UBE3C: variants seen among roughly 807,000 people sequenced by gnomAD.
UBE3C encodes the protein ubiquitin-protein ligase E3C.
In UBE3C, 42 loss-of-function variants were observed where a neutral mutation model predicts 129.4. The ratio of observed to expected loss-of-function variants is 0.32; its 90% confidence interval spans 0.25 to 0.42. The LOEUF (loss-of-function observed/expected upper bound fraction) is 0.42. Among genes scored for constraint, UBE3C ranks in the 10% least tolerant of loss-of-function variants. UBE3C has a pLI of 1.00. For synonymous variants in UBE3C, 510 were observed against 492.4 expected, an observed-to-expected ratio of 1.04 and a Z score of -0.47; for missense variants, 1,049 against 1,319.1, an observed-to-expected ratio of 0.80 and a Z score of 3.17.
intron 11 of UBE3C, 116 bp from the exon 12 acceptor site, chr7:157,207,282 C>G (rs1586688462): frequency 7.1e-7 from 1 of 1,400,998 alleles, no homozygotes; most frequent in East Asian, 2.3e-5. Flanking sequence ...AGTTTAATTC[C>G]TAATGCAAAT....
At chr7:157,184,093 T>G (rs1329723734) in intron 9 of UBE3C, 64 bp downstream of exon 9, 2 of 1,578,912 alleles carry the variant, frequency 1.3e-6, no homozygotes, top group African/African-American at 1.4e-5. Context: ...TCTTCTAGCT[T>G]TCTGTCCACC....
At chr7:157,200,985 A>G (rs1382235391) in intron 10 of UBE3C, among the ~76,000 whole-genome samples, 1 of 152,164 alleles carries the variant, frequency 6.6e-6, no homozygotes, top group Non-Finnish European at 1.5e-5. Context: ...TTGTATTTCA[A>G]GAAAAGTGAC....
intron 4 of UBE3C, among the ~76,000 whole-genome samples, chr7:157,172,941 A>G (rs1488435444): frequency 6.6e-6 from 1 of 152,208 alleles, no homozygotes; most frequent in Non-Finnish European, 1.5e-5. Context: ...CTTGCTTCAG[A>G]AGCCATCTGT....
chr7:157,184,028 C>G lies in UBE3C; in HGVS notation c.1142C>G (p.Pro381Arg), dbSNP rs775013451. The G allele has an allele frequency of 6.2e-7, 1 of 1,613,832 alleles. No homozygotes were observed. The highest frequency in any genetic ancestry group is 8.5e-7 in the Non-Finnish European group (1 of 1,179,918). Residue 381 changes from proline to arginine, a missense_variant and splice_region_variant, in exon 9 of 23, where the codon CCG (proline) becomes CGG (arginine). This residue lies in a region of UBE3C where 489 missense variants were observed against 513.8 expected (regional missense o/e 0.95). Coordinates refer to ENST00000348165, the MANE Select transcript of UBE3C (RefSeq NM_014671.3). ...GAAGAAGCCGACAAGCCCTCAAGCCCGGTAAGCCCCGTGCCCTGCATCTGG... is the reference window on the plus strand; with the variant it reads ...GAAGAAGCCGACAAGCCCTCAAGCCGGGTAAGCCCCGTGCCCTGCATCTGG... Reference protein sequence around the residue: ...ESEEADKPSSPEDGRLSVSYI... With the variant: ...ESEEADKPSSREDGRLSVSYI...
At chr7:157,226,581 G>C (rs1412170122) in intron 17 of UBE3C, among the ~76,000 whole-genome samples, 1 of 152,134 alleles carries the variant, frequency 6.6e-6, no homozygotes, top group Non-Finnish European at 1.5e-5. Context: ...TCCTCTAGGG[G>C]AGCAACTTAA....
intron 18 of UBE3C, among the ~76,000 whole-genome samples, chr7:157,237,603 T>C (rs1348572913): frequency 6.6e-6 from 1 of 152,206 alleles, no homozygotes; most frequent in African/African-American, 2.4e-5. Context: ...ATGAGAAGAA[T>C]GGATCAGTAT....
intron 19 of UBE3C, among the ~76,000 whole-genome samples, chr7:157,252,584 AC>A (rs1316299909): frequency 6.6e-6 from 1 of 152,226 alleles, no homozygotes; most frequent in East Asian, 1.9e-4. Context: ...TAAAATGAGA[AC>A]CAGCAAACGA....
intron 1 of UBE3C, among the ~76,000 whole-genome samples, chr7:157,157,078 C>T (rs1197502336): frequency 2.0e-5 from 3 of 152,158 alleles, no homozygotes; most frequent in African/African-American, 4.8e-5. Flanking sequence ...GATCCTAATT[C>T]ACAATTATGA....
chr7:157,200,797 A>G (rs1010250367), intron 10 of UBE3C, among the ~76,000 whole-genome samples: 6 of 151,958 alleles, frequency 3.9e-5, no homozygotes, highest in African/African-American at 1.2e-4. Context: ...CCAACTTTTC[A>G]TAGAGATGAG....
intron 10 of UBE3C, among the ~76,000 whole-genome samples, chr7:157,191,613 AAC>A (rs1172740869): frequency 1.4e-4 from 21 of 152,182 alleles, no homozygotes; most frequent in African/African-American, 2.4e-5. Flanking sequence ...TGTGTTTTCT[AAC>A]CATTTCTTTG....
At chr7:157,237,381 C>T (rs916147903) in intron 18 of UBE3C, among the ~76,000 whole-genome samples, 4 of 152,096 alleles carry the variant, frequency 2.6e-5, no homozygotes, top group African/African-American at 9.7e-5. Flanking sequence ...GCGGAGCTTG[C>T]AGTGAGCCGA....
chr7:157,139,625 C>A (rs1371797943), intron 1 of UBE3C, among the ~76,000 whole-genome samples: 1 of 152,242 alleles, frequency 6.6e-6, no homozygotes, highest in Non-Finnish European at 1.5e-5. Flanking sequence ...CCGTGGGGGC[C>A]TTGCCTGTCC....
At chr7:157,185,378 TTTTTTAATACA>T (rs1381290043) in intron 9 of UBE3C, among the ~76,000 whole-genome samples, 9 of 152,276 alleles carry the variant, frequency 5.9e-5, no homozygotes, top group Non-Finnish European at 1.2e-4. Context: ...CTCTATATTC[TTTTTTAATACA>T]TAAGGGTTTC....
At chr7:157,145,783 C>G (rs1338015765) in intron 1 of UBE3C, among the ~76,000 whole-genome samples, 1 of 151,310 alleles carries the variant, frequency 6.6e-6, no homozygotes, top group African/African-American at 2.4e-5. Flanking sequence ...GAGTGGTTTA[C>G]GGTTTACAGA....
intron 22 of UBE3C, among the ~76,000 whole-genome samples, chr7:157,264,882 T>A (rs1371285818): frequency 6.6e-5 from 10 of 152,244 alleles, no homozygotes; most frequent in African/African-American, 2.2e-4. Flanking sequence ...ACGTAATTTT[T>A]AAATATAATT....
chr7:157,228,975 GA>G (rs1335932895), intron 17 of UBE3C, among the ~76,000 whole-genome samples: 4 of 152,170 alleles, frequency 2.6e-5, no homozygotes, highest in Non-Finnish European at 5.9e-5. Flanking sequence ...CCCTTTTCCA[GA>G]ATGCTTCTAG....
At chr7:157,223,492 T>A in intron 16 of UBE3C, 141 bp downstream of exon 16, 1 of 659,192 alleles carries the variant, frequency 1.5e-6, no homozygotes, top group Non-Finnish European at 2.5e-6. Context: ...CTGAAATAGC[T>A]AAGAATGATT....
In UBE3C at chr7:157,269,324, G is replaced by T. The variant is rs924917300; in HGVS notation, c.*1569G>T. On this transcript the variant is annotated 3_prime_UTR_variant, in exon 23 of 23. Transcript: ENST00000348165. ...CTATTCTGAGCTTATTTATTTATTT[G>T]TATGTTCTAATGGCTAAACATTTAC... The T allele has an allele frequency of 2.0e-5, 3 of 152,092 alleles. No individual in the cohort carries two copies. In the South Asian group the frequency reaches 6.2e-4, roughly 32 times the overall value. The allele number at this position is 152,092 out of a possible 1,614,324, so 9.4% of individuals were successfully genotyped here. A position where few individuals can be genotyped will look rare whatever the true frequency, so the allele number is the denominator to read the frequency against.
chr7:157,262,497 C>T (rs1030864422), intron 22 of UBE3C, among the ~76,000 whole-genome samples: 1 of 141,640 alleles, frequency 7.1e-6, no homozygotes. Context: ...CAGCTCGCTG[C>T]AACCTCTGCC....
Sources: allele counts gnomAD v4.1 joint callset (sites outside exome capture counted in the v4.1 genomes callset), GRCh38; gene constraint gnomAD v4.1.1; regional missense constraint gnomAD v4.1.1; transcripts MANE v1.5; gene names NCBI Gene and HGNC (gene_info 2026-07-23, HGNC 2026-07-21).